Variants in CHRM3 observed in about 807,000 individuals in gnomAD.
CHRM3 encodes muscarinic acetylcholine receptor M3.
CHRM3 carries 11 observed loss-of-function variants against 41.8 expected under a neutral mutation model. The observed-to-expected ratio is 0.26, with a 90% CI of 0.17 to 0.44. The LOEUF (loss-of-function observed/expected upper bound fraction) is 0.44. Among genes scored for constraint, CHRM3 ranks in the 20% least tolerant of loss-of-function variants. CHRM3 has a pLI of 1.00. For missense variants in CHRM3, 571 were observed against 745.4 expected (o/e 0.77, Z 2.72); for synonymous variants, 297 against 301.4 (o/e 0.99, Z 0.15).
chr1:239,407,417 T>TAG lies in CHRM3; in HGVS notation c.-521+20213_-521+20214dup, dbSNP rs67319486. Among the ~76,000 whole-genome samples, 551 of 134,194 alleles carry TAG rather than the reference T, an allele frequency of 4.1e-3. 11 individuals are homozygous for TAG. The highest frequency in any genetic ancestry group is 0.02 in the Middle Eastern group (5 of 252). The allele number at this position is 134,194 out of a possible 152,430, so 88.0% of individuals were successfully genotyped here. ...ACCAATGACTATAAATATATATATA[T>TAG]AGAGAGAGAGAGAGAGAGAGAGAGC... On this transcript the variant is annotated intron_variant, in intron 1 of 6. Coordinates refer to ENST00000676153, the MANE Select transcript of CHRM3 (RefSeq NM_001375978.1).
At chr1:239,794,554 T>C (rs1669614779) in intron 5 of CHRM3, among the ~76,000 whole-genome samples, 1 of 152,164 alleles carries the variant, frequency 6.6e-6, no homozygotes, top group African/African-American at 2.4e-5. Flanking sequence ...GCGTCCTGCA[T>C]TTTGTTTTAG....
chr1:239,644,810 G>A (rs1435385267), intron 4 of CHRM3, among the ~76,000 whole-genome samples: 2 of 152,200 alleles, frequency 1.3e-5, no homozygotes, highest in African/African-American at 2.4e-5. Flanking sequence ...GAAGCTGACT[G>A]CACTTGAGTA....
chr1:239,664,214 G>A (rs1033920748), intron 4 of CHRM3, among the ~76,000 whole-genome samples: 3 of 152,180 alleles, frequency 2.0e-5, no homozygotes, highest in Admixed American at 6.5e-5. Flanking sequence ...AGCATAAAGC[G>A]TTATCTTCAC....
chr1:239,788,862 TGTAAA>T (rs1224132423), intron 5 of CHRM3, among the ~76,000 whole-genome samples: 1 of 152,212 alleles, frequency 6.6e-6, no homozygotes, highest in Non-Finnish European at 1.5e-5. Flanking sequence ...TTCATTCAAT[TGTAAA>T]GTATATTTTA....
intron 1 of CHRM3, among the ~76,000 whole-genome samples, chr1:239,402,004 G>A (rs760338199): frequency 3.3e-5 from 5 of 152,110 alleles, no homozygotes; most frequent in Admixed American, 6.6e-5. Flanking sequence ...TGTTTGCAGC[G>A]GCATTTACGG....
intron 4 of CHRM3, among the ~76,000 whole-genome samples, chr1:239,648,016 G>C (rs1289930862): frequency 2.6e-5 from 4 of 152,122 alleles, no homozygotes; most frequent in African/African-American, 7.2e-5. Context: ...GAAATAATCA[G>C]AGTCCCCATT....
At chr1:239,549,259 A>G (rs1391082359) in intron 3 of CHRM3, among the ~76,000 whole-genome samples, 1 of 152,014 alleles carries the variant, frequency 6.6e-6, no homozygotes, top group African/African-American at 2.4e-5. Flanking sequence ...TACTAAACAG[A>G]CAGATTTTTG....
Position 239,884,150 on chromosome 1 carries a change from A to G in CHRM3, c.-19-23283A>G, listed in dbSNP as rs142139399. 9.5e-3 allele frequency among the ~76,000 whole-genome samples: 1,451 copies of G among 152,320 alleles called. 24 individuals are homozygous for G. The highest frequency in any genetic ancestry group is 0.033 in the African/African-American group (1,382 of 41,554). ...CACATTCTAATCTCAGAACCTGTGA[A>G]TGTTACCTAATTTGGAAAAAGAGTC... is the stretch of plus-strand genomic sequence containing the variant. On this transcript the variant is annotated intron_variant, in intron 6 of 6. Transcript: ENST00000676153.
At chr1:239,737,542 C>T (rs1396925234) in intron 5 of CHRM3, among the ~76,000 whole-genome samples, 2 of 152,186 alleles carry the variant, frequency 1.3e-5, no homozygotes, top group Non-Finnish European at 2.9e-5. Flanking sequence ...TGACTCTTAA[C>T]TTTGACCTCA....
intron 5 of CHRM3, among the ~76,000 whole-genome samples, chr1:239,782,924 T>C (rs148462733): frequency 6.6e-6 from 1 of 152,254 alleles, no homozygotes; most frequent in East Asian, 1.9e-4. Flanking sequence ...TTTTCAGCTA[T>C]AGTTATTGTT....
At chr1:239,882,225 C>T (rs113778544) in intron 6 of CHRM3, among the ~76,000 whole-genome samples, 2 of 152,086 alleles carry the variant, frequency 1.3e-5, no homozygotes, top group East Asian at 1.9e-4. Context: ...TCATTTTAAC[C>T]GTGAGGAAAA....
At chr1:239,887,311 C>T (rs1388314498) in intron 6 of CHRM3, among the ~76,000 whole-genome samples, 1 of 152,076 alleles carries the variant, frequency 6.6e-6, no homozygotes, top group Non-Finnish European at 1.5e-5. Context: ...AAGCGATTCT[C>T]CTGCCTCACC....
intron 5 of CHRM3, among the ~76,000 whole-genome samples, chr1:239,774,643 G>A (rs1317310147): frequency 6.6e-6 from 1 of 152,186 alleles, no homozygotes; most frequent in Non-Finnish European, 1.5e-5. Flanking sequence ...TCAGAATAAT[G>A]TTAGCCATCC....
chr1:239,791,045 T>C (rs2148860781), intron 5 of CHRM3, among the ~76,000 whole-genome samples: 1 of 135,842 alleles, frequency 7.4e-6, no homozygotes, highest in South Asian at 2.3e-4. Flanking sequence ...GAGTCGCTCC[T>C]GGAGAAAAAA....
chr1:239,400,918 T>G (rs1476413299), intron 1 of CHRM3, among the ~76,000 whole-genome samples: 1 of 152,178 alleles, frequency 6.6e-6, no homozygotes, highest in African/African-American at 2.4e-5. Context: ...ACTGAGGACT[T>G]TCCTCAGCTT....
chr1:239,567,700 T>C (rs544486900), intron 3 of CHRM3, among the ~76,000 whole-genome samples: 2 of 152,296 alleles, frequency 1.3e-5, no homozygotes, highest in African/African-American at 4.8e-5. Flanking sequence ...CATTATGTCC[T>C]GAAGCATGGA....
chr1:239,394,939 C>A (rs1345050513), intron 1 of CHRM3, among the ~76,000 whole-genome samples: 1 of 152,078 alleles, frequency 6.6e-6, no homozygotes, highest in African/African-American at 2.4e-5. Flanking sequence ...AATCTCATTA[C>A]CCTCTGACTT....
intron 5 of CHRM3, among the ~76,000 whole-genome samples, chr1:239,759,169 G>GTT (rs568446013): frequency 8.9e-4 from 91 of 102,072 alleles, no homozygotes; most frequent in Non-Finnish European, 1.3e-3. Flanking sequence ...TTTTTTTTTT[G>GTT]TTTTTTTTTT....
intron 3 of CHRM3, among the ~76,000 whole-genome samples, chr1:239,551,395 C>T (rs1659813658): frequency 6.6e-6 from 1 of 151,694 alleles, no homozygotes; most frequent in South Asian, 2.1e-4. Context: ...CTCCCAACCT[C>T]AGGTAATCCA....
Sources: allele counts gnomAD v4.1 joint callset (sites outside exome capture counted in the v4.1 genomes callset), GRCh38; gene constraint gnomAD v4.1.1; transcripts MANE v1.5; gene names NCBI Gene and HGNC (gene_info 2026-07-23, HGNC 2026-07-21).